Variants in DCLK1 observed in about 807,000 individuals in gnomAD.
DCLK1 encodes the protein serine/threonine-protein kinase DCLK1.
A neutral mutation model predicts 86.2 loss-of-function variants in DCLK1; 16 were observed. The ratio of observed to expected loss-of-function variants is 0.19; its 90% confidence interval spans 0.13 to 0.28. DCLK1 has a LOEUF of 0.28. Ranked by LOEUF, DCLK1 falls within the 10% of genes least tolerant of loss-of-function variation. The probability of loss-of-function intolerance (pLI) is 1.00; values close to 1 mark genes in which losing one functional copy is unlikely to be tolerated. For synonymous variants in DCLK1, 369 were observed against 370.5 expected (o/e 1.00, Z 0.05); for missense variants, 590 against 940.2 (o/e 0.63, Z 4.87).
intron 3 of DCLK1, among the ~76,000 whole-genome samples, chr13:35,992,874 A>G (rs1247481507): frequency 4.0e-5 from 6 of 151,736 alleles, no homozygotes; most frequent in African/African-American, 1.5e-4. Context: ...TAATTCTACC[A>G]CCTTTATGAA....
intron 3 of DCLK1, among the ~76,000 whole-genome samples, chr13:36,019,538 A>T (rs955397586): frequency 2.6e-4 from 40 of 152,290 alleles, no homozygotes; most frequent in African/African-American, 9.6e-4. Context: ...CATAATAATG[A>T]CCTCACTTCT....
chr13:35,943,452 A>G lies in DCLK1; in HGVS notation c.823+3906T>C, dbSNP rs556070363. ...TAGGAAATTCATTCAGCATCTAAGC[A>G]AAACAATAGACATTGAAGGTAACGC... On this transcript the variant is annotated intron_variant, in intron 4 of 16. Coordinates refer to ENST00000360631, the MANE Select transcript of DCLK1 (RefSeq NM_001330071.2). Among the ~76,000 whole-genome samples the G allele has an allele frequency of 1.2e-4, 18 of 152,354 alleles. 1 individual carries two copies. Among genetic ancestry groups the G allele is most frequent in the African/African-American group, 4.1e-4 (17 of 41,580 alleles).
intron 3 of DCLK1, among the ~76,000 whole-genome samples, chr13:36,037,041 A>G (rs1322485842): frequency 6.6e-6 from 1 of 152,192 alleles, no homozygotes; most frequent in Non-Finnish European, 1.5e-5. Context: ...ACACACACAC[A>G]GTGGAATATT....
At chr13:35,811,540 A>G (rs2153103073) in intron 11 of DCLK1, among the ~76,000 whole-genome samples, 1 of 152,330 alleles carries the variant, frequency 6.6e-6, no homozygotes, top group East Asian at 1.9e-4. Context: ...GTTTCAATAT[A>G]TTAAGAAAAC....
chr13:35,919,621 C>T (rs1024873907), intron 4 of DCLK1, among the ~76,000 whole-genome samples: 1 of 152,158 alleles, frequency 6.6e-6, no homozygotes, highest in East Asian at 1.9e-4. Flanking sequence ...GACACTACAG[C>T]ATAATGGTTA....
At chr13:35,983,600 CT>C (rs1879764063) in intron 3 of DCLK1, among the ~76,000 whole-genome samples, 1 of 152,102 alleles carries the variant, frequency 6.6e-6, no homozygotes, top group Non-Finnish European at 1.5e-5. Context: ...TTTAAAATAA[CT>C]AAAAGAATAT....
intron 1 of DCLK1, among the ~76,000 whole-genome samples, chr13:36,130,309 C>A (rs1419876788): frequency 1.3e-5 from 2 of 152,126 alleles, no homozygotes; most frequent in Non-Finnish European, 2.9e-5. Context: ...GGTCGCTGAA[C>A]GTGTGTGCAC....
chr13:36,053,621 A>G (rs1883199062), intron 3 of DCLK1, among the ~76,000 whole-genome samples: 1 of 143,136 alleles, frequency 7.0e-6, no homozygotes. Flanking sequence ...TGTATATAGT[A>G]TCACGATATA....
chr13:35,777,717 C>T (rs1420943054), intron 16 of DCLK1, among the ~76,000 whole-genome samples: 2 of 152,128 alleles, frequency 1.3e-5, no homozygotes, highest in African/African-American at 2.4e-5. Flanking sequence ...TGCAGTTTTC[C>T]ACCCCTCAGG....
chr13:35,963,760 T>C (rs1878581314), intron 3 of DCLK1, among the ~76,000 whole-genome samples: 1 of 152,166 alleles, frequency 6.6e-6, no homozygotes, highest in Non-Finnish European at 1.5e-5. Flanking sequence ...GATGGTTTTA[T>C]AGATGGTAGT....
intron 3 of DCLK1, among the ~76,000 whole-genome samples, chr13:36,103,062 G>A (rs1885270876): frequency 6.6e-6 from 1 of 152,150 alleles, no homozygotes; most frequent in Non-Finnish European, 1.5e-5. Context: ...GGGATCTGTG[G>A]GGTTTTGTTG....
chr13:36,033,653 C>T (rs1220994501), intron 3 of DCLK1, among the ~76,000 whole-genome samples: 2 of 152,152 alleles, frequency 1.3e-5, no homozygotes, highest in African/African-American at 2.4e-5. Context: ...AGTACAGGTG[C>T]GGTAGCTCAC....
At chr13:35,803,034 G>A (rs987201889) in intron 15 of DCLK1, among the ~76,000 whole-genome samples, 3 of 152,206 alleles carry the variant, frequency 2.0e-5, no homozygotes, top group African/African-American at 7.2e-5. Context: ...GTACCTGCCT[G>A]TTTACAACAT....
intron 3 of DCLK1, among the ~76,000 whole-genome samples, chr13:36,044,014 C>A (rs561730728): frequency 6.6e-6 from 1 of 152,176 alleles, no homozygotes; most frequent in Non-Finnish European, 1.5e-5. Flanking sequence ...GGAGAGGGGC[C>A]TAGTGGGCGG....
intron 4 of DCLK1, among the ~76,000 whole-genome samples, chr13:35,935,644 T>C (rs1243369742): frequency 1.3e-5 from 2 of 152,134 alleles, no homozygotes; most frequent in African/African-American, 2.4e-5. Context: ...GGAATAGTCA[T>C]AGGGAAGTTC....
intron 3 of DCLK1, among the ~76,000 whole-genome samples, chr13:36,030,322 G>A (rs1882217076): frequency 6.6e-6 from 1 of 152,032 alleles, no homozygotes; most frequent in African/African-American, 2.4e-5. Flanking sequence ...TTGAGACGGA[G>A]TTTTGCTCTT....
chr13:36,118,977 C>T (rs1885887724), intron 2 of DCLK1, among the ~76,000 whole-genome samples: 1 of 152,162 alleles, frequency 6.6e-6, no homozygotes, highest in Non-Finnish European at 1.5e-5. Context: ...AAGCTCCAGC[C>T]TCATAAACTA....
intron 3 of DCLK1, among the ~76,000 whole-genome samples, chr13:36,045,677 C>T (rs948100787): frequency 2.0e-5 from 3 of 151,752 alleles, no homozygotes; most frequent in African/African-American, 7.3e-5. Flanking sequence ...CGTGGTAAAA[C>T]CCCATATCCA....
At chr13:35,795,419 C>T (rs2086788357) in intron 15 of DCLK1, among the ~76,000 whole-genome samples, 1 of 152,150 alleles carries the variant, frequency 6.6e-6, no homozygotes, top group Admixed American at 6.5e-5. Flanking sequence ...AGGAATAGAG[C>T]TTTTTAATAA....
Sources: allele counts gnomAD v4.1 joint callset (sites outside exome capture counted in the v4.1 genomes callset), GRCh38; gene constraint gnomAD v4.1.1; transcripts MANE v1.5; gene names NCBI Gene and HGNC (gene_info 2026-07-23, HGNC 2026-07-21).